The following GRIP1 variants were observed in gnomAD, a reference collection of about 807,000 sequenced individuals.
The protein encoded by GRIP1 is glutamate receptor-interacting protein 1.
Under a neutral mutation model 129.9 loss-of-function variants are expected in GRIP1, and 45 were observed. The observed-to-expected ratio is 0.35, with a 90% CI of 0.27 to 0.44. GRIP1 has a LOEUF of 0.44. Ranked by LOEUF, GRIP1 falls within the 20% of genes least tolerant of loss-of-function variation. The probability of loss-of-function intolerance (pLI) is 1.00; values close to 1 mark genes in which losing one functional copy is unlikely to be tolerated. For synonymous variants in GRIP1, 530 were observed against 520.8 expected (o/e 1.02, Z -0.24); for missense variants, 1,196 against 1,396.8 (o/e 0.86, Z 2.29).
chr12:66,901,420 G>C (rs1342917885), intron 1 of GRIP1, among the ~76,000 whole-genome samples: 1 of 152,226 alleles, frequency 6.6e-6, no homozygotes, highest in East Asian at 1.9e-4. Flanking sequence ...GGTGGAAAGG[G>C]AGGCCCTCCA....
At chr12:66,710,704 C>T (rs1385717330) in intron 1 of GRIP1, among the ~76,000 whole-genome samples, 1 of 151,870 alleles carries the variant, frequency 6.6e-6, no homozygotes, top group Non-Finnish European at 1.5e-5. Flanking sequence ...TACAAAGAAT[C>T]TTAACATAAA....
At chr12:66,598,273 T>C (rs1423213479) in intron 1 of GRIP1, among the ~76,000 whole-genome samples, 1 of 152,172 alleles carries the variant, frequency 6.6e-6, no homozygotes, top group Non-Finnish European at 1.5e-5. Context: ...AAGGTCTTTA[T>C]ACGCAATGAC....
intron 4 of GRIP1, among the ~76,000 whole-genome samples, chr12:66,533,784 TAAAG>T (rs2061522784): frequency 6.6e-6 from 1 of 152,104 alleles, no homozygotes; most frequent in African/African-American, 2.4e-5. Flanking sequence ...TTTATTTTCA[TAAAG>T]AAACTGAATC....
At chr12:66,946,783 GA>G (rs2041676145) in intron 1 of GRIP1, among the ~76,000 whole-genome samples, 1 of 83,872 alleles carries the variant, frequency 1.2e-5, no homozygotes, top group African/African-American at 5.0e-5. Flanking sequence ...TGGGGTGGGG[GA>G]TGGGGGGGGT....
chr12:66,460,848 TTTTG>T (rs141273596), intron 9 of GRIP1, among the ~76,000 whole-genome samples: 2,061 of 152,300 alleles, frequency 0.014, 52 homozygotes, highest in African/African-American at 0.047. Context: ...AATAATAATT[TTTTG>T]TTTGTTTTTC....
chr12:66,739,926 C>T (rs2036735550), intron 1 of GRIP1, among the ~76,000 whole-genome samples: 1 of 152,176 alleles, frequency 6.6e-6, no homozygotes, highest in Non-Finnish European at 1.5e-5. Context: ...ATCTTCCTCA[C>T]TCATGAATTC....
chr12:66,815,856 C>CTCTG (rs367649068), intron 1 of GRIP1, among the ~76,000 whole-genome samples: 1 of 134,102 alleles, frequency 7.5e-6, no homozygotes, highest in Non-Finnish European at 1.6e-5. Flanking sequence ...TTCTTTCTTT[C>CTCTG]TCTCTCTCTC....
intron 14 of GRIP1, among the ~76,000 whole-genome samples, chr12:66,424,764 T>C (rs1444997972): frequency 5.3e-5 from 8 of 152,220 alleles, no homozygotes; most frequent in Admixed American, 5.2e-4. Context: ...TGTTTTCTTG[T>C]GTTTATTATT....
chr12:66,552,054 A>G (rs190080290), intron 2 of GRIP1, among the ~76,000 whole-genome samples: 168 of 152,318 alleles, frequency 1.1e-3, no homozygotes, highest in African/African-American at 4.0e-3. Flanking sequence ...ATCCTGAGAA[A>G]GATATCAGGT....
intron 1 of GRIP1, among the ~76,000 whole-genome samples, chr12:66,636,607 G>A (rs1402465506): frequency 6.6e-6 from 1 of 151,926 alleles, no homozygotes; most frequent in Non-Finnish European, 1.5e-5. Context: ...GACTGCATTG[G>A]AGATAGGGCC....
At chr12:67,017,710 C>T (rs979717666) in intron 1 of GRIP1, among the ~76,000 whole-genome samples, 1 of 151,670 alleles carries the variant, frequency 6.6e-6, no homozygotes, top group African/African-American at 2.4e-5. Flanking sequence ...TAGGAAGCTT[C>T]TGCTTTTGCT....
chr12:66,734,988 T>A (rs1476834885), intron 1 of GRIP1, among the ~76,000 whole-genome samples: 1 of 152,212 alleles, frequency 6.6e-6, no homozygotes, highest in Admixed American at 6.5e-5. Flanking sequence ...GGTCTTTTGA[T>A]AATATTTTTA....
intron 16 of GRIP1, among the ~76,000 whole-genome samples, chr12:66,403,680 T>C (rs1304143074): frequency 6.6e-6 from 1 of 152,194 alleles, no homozygotes; most frequent in Non-Finnish European, 1.5e-5. Flanking sequence ...ATGGAAGGTT[T>C]AGGATTTTAA....
intron 1 of GRIP1, among the ~76,000 whole-genome samples, chr12:66,642,151 A>G (rs2031988946): frequency 6.6e-6 from 1 of 152,218 alleles, no homozygotes; most frequent in South Asian, 2.1e-4. Flanking sequence ...TACAGGTGCC[A>G]AGAGAAAACA....
chr12:66,376,063 C>A (rs2055768965), intron 22 of GRIP1, among the ~76,000 whole-genome samples: 1 of 152,214 alleles, frequency 6.6e-6, no homozygotes, highest in African/African-American at 2.4e-5. Flanking sequence ...AAAAATGAAT[C>A]ATTGCTAACA....
At chr12:66,986,955 A>C (rs2042322043) in intron 1 of GRIP1, among the ~76,000 whole-genome samples, 1 of 152,138 alleles carries the variant, frequency 6.6e-6, no homozygotes, top group Admixed American at 6.5e-5. Context: ...ACATCATATA[A>C]ATCTAAAGAG....
At chr12:66,856,981 C>T (rs1384266518) in intron 1 of GRIP1, among the ~76,000 whole-genome samples, 1 of 152,106 alleles carries the variant, frequency 6.6e-6, no homozygotes, top group Non-Finnish European at 1.5e-5. Flanking sequence ...CCCAAATGTC[C>T]AACAATGATA....
chr12:66,767,639 T>G (rs980046251), intron 1 of GRIP1, among the ~76,000 whole-genome samples: 2 of 150,828 alleles, frequency 1.3e-5, no homozygotes, highest in African/African-American at 4.9e-5. Context: ...ACCAGGCTGA[T>G]TTCTTGCCGT....
intron 1 of GRIP1, among the ~76,000 whole-genome samples, chr12:66,665,104 T>C (rs553251864): frequency 6.6e-6 from 1 of 151,124 alleles, no homozygotes; most frequent in East Asian, 2.0e-4. Flanking sequence ...GTAGTCTCGA[T>C]CTCCCTGGGT....
Sources: allele counts gnomAD v4.1 joint callset (sites outside exome capture counted in the v4.1 genomes callset), GRCh38; gene constraint gnomAD v4.1.1; transcripts MANE v1.5; gene names NCBI Gene and HGNC (gene_info 2026-07-23, HGNC 2026-07-21).